Variants in TBC1D22A observed in about 807,000 individuals in gnomAD.
TBC1D22A encodes putative GTPase activator.
TBC1D22A carries 38 observed loss-of-function variants against 60.2 expected under a neutral mutation model. The ratio of observed to expected loss-of-function variants is 0.63; its 90% CI spans 0.49 to 0.83. The LOEUF (loss-of-function observed/expected upper bound fraction) is 0.83. Ranked by LOEUF, TBC1D22A falls within the 40% of genes least tolerant of loss-of-function variation. The pLI, the probability that TBC1D22A is intolerant of heterozygous loss-of-function variation, is 0.00. For missense variants in TBC1D22A, 628 were observed against 701.0 expected, an observed-to-expected ratio of 0.90 and a Z score of 1.18; for synonymous variants, 302 against 281.7, an observed-to-expected ratio of 1.07 and a Z score of -0.72.
intron 8 of TBC1D22A, among the ~76,000 whole-genome samples, chr22:46,962,449 A>G (rs962561513): frequency 1.3e-5 from 2 of 152,210 alleles, no homozygotes; most frequent in African/African-American, 2.4e-5. Context: ...TATTTTACCA[A>G]TATCTCTCAA....
intron 12 of TBC1D22A, among the ~76,000 whole-genome samples, chr22:47,167,803 G>A (rs1168486961): frequency 6.6e-6 from 1 of 152,200 alleles, no homozygotes; most frequent in Non-Finnish European, 1.5e-5. Flanking sequence ...CCAGTTGAAA[G>A]AGAGTGGGTA....
At chr22:47,171,061 G>A (rs1007235070) in intron 12 of TBC1D22A, among the ~76,000 whole-genome samples, 1 of 152,178 alleles carries the variant, frequency 6.6e-6, no homozygotes, top group Non-Finnish European at 1.5e-5. Flanking sequence ...CAGGCTCTGT[G>A]CCTGCACAGC....
intron 1 of TBC1D22A, among the ~76,000 whole-genome samples, chr22:46,776,576 T>C (rs2083715128): frequency 6.6e-6 from 1 of 151,842 alleles, no homozygotes; most frequent in African/African-American, 2.4e-5. Flanking sequence ...TGCTACTGTT[T>C]ATTGACCTCT....
chr22:46,795,939 A>G (rs536304110), intron 3 of TBC1D22A, among the ~76,000 whole-genome samples: 1 of 152,300 alleles, frequency 6.6e-6, no homozygotes, highest in Non-Finnish European at 1.5e-5. Flanking sequence ...GAGCCTCTGA[A>G]GGAGGGAGAG....
At chr22:47,013,894 G>A (rs2061826813) in intron 10 of TBC1D22A, among the ~76,000 whole-genome samples, 1 of 152,224 alleles carries the variant, frequency 6.6e-6, no homozygotes, top group Non-Finnish European at 1.5e-5. Context: ...TCTGCAGTCA[G>A]AGGTCTGTGT....
chr22:46,907,451 G>A (rs2069569760), intron 7 of TBC1D22A, among the ~76,000 whole-genome samples: 1 of 152,170 alleles, frequency 6.6e-6, no homozygotes, highest in South Asian at 2.1e-4. Flanking sequence ...ACCCAGGCAG[G>A]CACCCATGGC....
Position 46,936,292 on chromosome 22 carries a change from C to T in TBC1D22A, c.1015+24104C>T, listed in dbSNP as rs118123140. Among the ~76,000 whole-genome samples the T allele has an allele frequency of 2.3e-3, 351 of 151,458 alleles. 6 individuals are homozygous for T. The East Asian group carries it at 0.057, about 25-fold the overall frequency. The stretch of plus-strand genomic sequence containing the variant: ...GGGCCAGGCTCCTCGCGGTTCTGCA[C>T]GCCCTCTTCCTGGGGCCAGGCTCCT... On this transcript the variant is annotated intron_variant, in intron 8 of 12. Coordinates refer to ENST00000337137, the MANE Select transcript of TBC1D22A (RefSeq NM_014346.5).
chr22:46,963,165 G>A (rs1383093799), intron 8 of TBC1D22A, among the ~76,000 whole-genome samples: 2 of 150,242 alleles, frequency 1.3e-5, no homozygotes, highest in Non-Finnish European at 3.0e-5. Flanking sequence ...AGCTTGCAGT[G>A]AGCCAAGAAG....
At chr22:47,020,759 TCCCCTCTC>T (rs2062058557) in intron 10 of TBC1D22A, among the ~76,000 whole-genome samples, 1 of 151,640 alleles carries the variant, frequency 6.6e-6, no homozygotes. Context: ...CTTGGTGTCA[TCCCCTCTC>T]CTGGAGTTCA....
At chr22:47,071,241 C>T (rs2063975510) in intron 11 of TBC1D22A, among the ~76,000 whole-genome samples, 3 of 152,202 alleles carry the variant, frequency 2.0e-5, no homozygotes, top group African/African-American at 7.2e-5. Context: ...CAGTCTGCAC[C>T]TGTTAGCTTG....
At chr22:47,005,898 C>G (rs531280360) in intron 10 of TBC1D22A, among the ~76,000 whole-genome samples, 1 of 150,530 alleles carries the variant, frequency 6.6e-6, no homozygotes, top group Non-Finnish European at 1.5e-5. Context: ...CTACACACAT[C>G]TATACACAGA....
intron 8 of TBC1D22A, among the ~76,000 whole-genome samples, chr22:46,959,676 C>T (rs537868477): frequency 1.3e-5 from 2 of 152,248 alleles, no homozygotes; most frequent in African/African-American, 4.8e-5. Flanking sequence ...ACCTCTGATT[C>T]ACTCTGATTC....
chr22:46,834,482 T>G (rs985069495), intron 4 of TBC1D22A, among the ~76,000 whole-genome samples: 2 of 152,196 alleles, frequency 1.3e-5, no homozygotes, highest in Admixed American at 1.3e-4. Context: ...CCAACTCCCT[T>G]GGTTCTTGAT....
Position 47,174,371 on chromosome 22 carries a change from T to C in TBC1D22A, c.*745T>C, listed in dbSNP as rs1414487198. The C allele has an allele frequency of 6.6e-6, 1 of 152,228 alleles. No individual in the cohort carries two copies. Among genetic ancestry groups the C allele is most frequent in the Non-Finnish European group, 1.5e-5 (1 of 68,066 alleles). The allele number at this position is 152,228 out of a possible 1,614,324, so 9.4% of individuals were successfully genotyped here. ...CACCTCCCTGAGGTCCAGGGCCAAG[T>C]GGCCCCGCCACGCAGGTAGGCGCCG... On this transcript the variant is annotated 3_prime_UTR_variant, in exon 13 of 13. Coordinates refer to ENST00000337137, the MANE Select transcript of TBC1D22A (RefSeq NM_014346.5).
intron 11 of TBC1D22A, among the ~76,000 whole-genome samples, chr22:47,104,015 A>C (rs925723637): frequency 1.3e-5 from 2 of 152,178 alleles, no homozygotes; most frequent in Admixed American, 1.3e-4. Context: ...TTGCGTCTGT[A>C]AAGAATCTTG....
chr22:47,161,813 G>T (rs748071952), intron 12 of TBC1D22A, among the ~76,000 whole-genome samples: 2 of 152,240 alleles, frequency 1.3e-5, no homozygotes, highest in Non-Finnish European at 2.9e-5. Flanking sequence ...TCTAGCGTCC[G>T]CGAATACCCA....
At chr22:47,171,743 G>A (rs552963615) in intron 12 of TBC1D22A, among the ~76,000 whole-genome samples, 15 of 152,176 alleles carry the variant, frequency 9.9e-5, no homozygotes, top group Admixed American at 7.2e-4. Flanking sequence ...CTGTCAGGCG[G>A]TGGTCGTGGG....
In TBC1D22A at chr22:46,793,771, G is replaced by A. The variant is rs764594962; in HGVS notation, c.390G>A (p.Pro130=). ...LQQKPRPEAE[P]PSPPSGDLRL... The stretch of plus-strand genomic sequence containing the variant: ...AGAAGCCCAGGCCCGAGGCAGAGCC[G>A]CCCTCACCCCCCAGCGGCGACCTCC... The change falls in exon 3 of 13, where the codon CCG becomes CCA. Residue 130 remains proline (P), a synonymous_variant. Coordinates refer to ENST00000337137, the MANE Select transcript of TBC1D22A (RefSeq NM_014346.5). 5.1e-5 allele frequency: 81 copies of A among 1,603,762 alleles called. No homozygotes were observed. The highest frequency in any genetic ancestry group is 8.6e-5 in the Admixed American group (5 of 58,412).
intron 12 of TBC1D22A, among the ~76,000 whole-genome samples, chr22:47,143,085 G>A (rs539952803): frequency 6.6e-6 from 1 of 152,064 alleles, no homozygotes; most frequent in East Asian, 2.0e-4. Flanking sequence ...GGAAGGTACT[G>A]GGAAGAGAGT....
Sources: allele counts gnomAD v4.1 joint callset (sites outside exome capture counted in the v4.1 genomes callset), GRCh38; gene constraint gnomAD v4.1.1; transcripts MANE v1.5; gene names NCBI Gene and HGNC (gene_info 2026-07-23, HGNC 2026-07-21).